The following LMNTD1 variants were observed in gnomAD, a reference collection of about 807,000 sequenced individuals.
The protein encoded by LMNTD1 is lamin tail domain-containing protein 1.
Under a neutral mutation model 50.9 loss-of-function variants are expected in LMNTD1, and 35 were observed. That is an observed-to-expected ratio of 0.69 (90% CI 0.53 to 0.91). LMNTD1 has a LOEUF of 0.91. Ranked by LOEUF, LMNTD1 falls within the 40% of genes least tolerant of loss-of-function variation. The pLI is 0.00. For missense variants in LMNTD1, 470 were observed against 475.5 expected (o/e 0.99, Z 0.11); for synonymous variants, 153 against 161.9 (o/e 0.94, Z 0.42).
intron 8 of LMNTD1, among the ~76,000 whole-genome samples, chr12:25,513,119 C>A (rs559442991): frequency 2.6e-4 from 39 of 152,290 alleles, no homozygotes; most frequent in African/African-American, 8.4e-4. Flanking sequence ...CAAATTTGTG[C>A]TAATTCCCAC....
At chr12:25,519,587 C>CAAAAAAAAAAAAAAAAAAA (rs58304861) in intron 7 of LMNTD1, among the ~76,000 whole-genome samples, 1 of 94,708 alleles carries the variant, frequency 1.1e-5, no homozygotes, top group African/African-American at 5.0e-5. Context: ...GACTCTGTCT[C>CAAAAAAAAAAAAAAAAAAA]AAAAAAAAAA....
rs1217714561 is a variant in LMNTD1, at chr12:25,546,538, T to C, written c.327A>G (p.Ser109=). 3.9e-6 allele frequency: 6 copies of C among 1,558,314 alleles called. No homozygotes were observed. The highest frequency in any genetic ancestry group is 5.2e-6 in the Non-Finnish European group (6 of 1,149,946). Residue 109 remains serine (S), a synonymous_variant, in exon 4 of 10, where the codon TCA becomes TCG. Coordinates refer to ENST00000458174, the MANE Select transcript of LMNTD1 (RefSeq NM_001145728.2). ...GTGATTCATCCTGTTTCTTCGGAAC[T>C]GAGAAGGGGCTGGCATCTTTCAAGT... ...VENSLDASPF[S]VPKKQDESPM...
chr12:25,570,883 T>C (rs1295187689), intron 1 of LMNTD1, among the ~76,000 whole-genome samples: 3 of 152,232 alleles, frequency 2.0e-5, no homozygotes, highest in Admixed American at 2.0e-4. Context: ...GGAAAGGTCC[T>C]CTTTGTTAGT....
intron 1 of LMNTD1, among the ~76,000 whole-genome samples, chr12:25,626,227 G>T (rs930245758): frequency 6.6e-6 from 1 of 152,132 alleles, no homozygotes; most frequent in Non-Finnish European, 1.5e-5. Context: ...GGAGGTTCCT[G>T]AGATGCTGTG....
intron 2 of LMNTD1, among the ~76,000 whole-genome samples, chr12:25,551,892 T>C (rs1943765627): frequency 6.6e-6 from 1 of 152,222 alleles, no homozygotes; most frequent in African/African-American, 2.4e-5. Context: ...TCTTGGTATC[T>C]CACTCCCTCC....
At chr12:25,576,583 T>C (rs1001958376) in intron 1 of LMNTD1, among the ~76,000 whole-genome samples, 5 of 152,270 alleles carry the variant, frequency 3.3e-5, no homozygotes, top group African/African-American at 1.2e-4. Context: ...TTGTAGATTC[T>C]GGATATTAGC....
At chr12:25,496,467 A>C (rs1042361683) in intron 9 of LMNTD1, among the ~76,000 whole-genome samples, 9 of 152,194 alleles carry the variant, frequency 5.9e-5, no homozygotes, top group South Asian at 2.1e-4. Context: ...CAAAGATAAC[A>C]CTTAATGGTG....
At chr12:25,546,230 A>C in intron 4 of LMNTD1, 144 bp downstream of exon 4, 1 of 417,634 alleles carries the variant, frequency 2.4e-6, no homozygotes, top group Non-Finnish European at 4.1e-6. Context: ...AATTGCTCAG[A>C]AGATGAAACA....
At chr12:25,612,663 T>C (rs1946274844) in intron 1 of LMNTD1, among the ~76,000 whole-genome samples, 1 of 152,060 alleles carries the variant, frequency 6.6e-6, no homozygotes, top group African/African-American at 2.4e-5. Context: ...CTGATCTAAA[T>C]GCAGGGAAAC....
chr12:25,520,834 TC>T (rs1373630002), intron 6 of LMNTD1, among the ~76,000 whole-genome samples: 1 of 152,204 alleles, frequency 6.6e-6, no homozygotes, highest in African/African-American at 2.4e-5. Flanking sequence ...GTACTGGGGT[TC>T]CCTTTTCTCC....
Position 25,518,818 on chromosome 12 carries a change from G to C in LMNTD1, c.1166C>G (p.Ser389Ter), listed in dbSNP as rs1276969687. The change falls in exon 8 of 10, where the codon TCA becomes TGA. Residue 389 changes from serine to a stop codon, truncating the protein, a stop_gained. Transcript: ENST00000458174. LOFTEE classifies it high-confidence loss of function. ...GRLDRQPRTR[S>*]TRPNRASGSK... ...ACCTGAGGCTCGATTAGGTCTGGTTGACCGAGTCCTGGGCTGTCTATCCAA... is the reference window on the plus strand; with the variant it reads ...ACCTGAGGCTCGATTAGGTCTGGTTCACCGAGTCCTGGGCTGTCTATCCAA... 1 of 1,614,006 alleles carries C rather than the reference G, an allele frequency of 6.2e-7. No homozygotes were observed. Among genetic ancestry groups the C allele is most frequent in the African/African-American group, 1.3e-5 (1 of 74,922 alleles).
At chr12:25,623,581 A>C (rs6487497) in intron 1 of LMNTD1, among the ~76,000 whole-genome samples, 16,778 of 137,418 alleles carry the variant, frequency 0.12, 1,992 homozygotes, top group African/African-American at 0.29. Context: ...AAAAAAAAAA[A>C]GGAGAGAAAG....
intron 4 of LMNTD1, among the ~76,000 whole-genome samples, chr12:25,528,161 A>G (rs57749168): frequency 0.15 from 23,134 of 152,102 alleles, 1,891 homozygotes; most frequent in African/African-American, 0.21. Flanking sequence ...TTTCTCATTA[A>G]AATACTTCTA....
At chr12:25,586,450 TG>T (rs1252273195) in intron 1 of LMNTD1, among the ~76,000 whole-genome samples, 1 of 152,194 alleles carries the variant, frequency 6.6e-6, no homozygotes, top group Non-Finnish European at 1.5e-5. Context: ...TCACTTCCAA[TG>T]TCTTATTTCT....
At chr12:25,560,319 T>C (rs149892607) in intron 1 of LMNTD1, among the ~76,000 whole-genome samples, 1,889 of 152,316 alleles carry the variant, frequency 0.012, 35 homozygotes, top group African/African-American at 0.042. Context: ...CCATTGCTTG[T>C]TTGTGTCAGG....
intron 1 of LMNTD1, among the ~76,000 whole-genome samples, chr12:25,564,793 G>A (rs1944484810): frequency 3.3e-5 from 5 of 152,148 alleles, no homozygotes; most frequent in Admixed American, 6.5e-5. Context: ...TTGATTTTAT[G>A]TCTGGAAGTT....
At chr12:25,502,355 G>A (rs1939441795) in intron 9 of LMNTD1, among the ~76,000 whole-genome samples, 1 of 152,098 alleles carries the variant, frequency 6.6e-6, no homozygotes, top group Non-Finnish European at 1.5e-5. Context: ...CTAAATGCCT[G>A]GGCAGATTTC....
At chr12:25,506,166 C>T (rs138585065) in intron 8 of LMNTD1, among the ~76,000 whole-genome samples, 270 of 152,342 alleles carry the variant, frequency 1.8e-3, no homozygotes, top group African/African-American at 4.8e-3. Context: ...GTGGAGCTCA[C>T]ATTGATGAGA....
In LMNTD1 at chr12:25,612,348, A is replaced by G. The variant is rs899843361; in HGVS notation, c.58+36146T>C. ...CACACACGCGCTCCCACTGTCAACA[A>G]CACTGAACCACTACTCACAGCCTGG... is the stretch of plus-strand genomic sequence containing the variant. On this transcript the variant is annotated intron_variant, in intron 1 of 7. Transcript: ENST00000445693. 4.6e-5 allele frequency among the ~76,000 whole-genome samples: 7 copies of G among 150,648 alleles called. No homozygotes were observed. The East Asian group carries it at 5.9e-4, about 13-fold the overall frequency.
Sources: gnomAD v4.1 joint callset for allele counts (sites outside exome capture counted in the v4.1 genomes callset) on GRCh38, gnomAD v4.1.1 for gene constraint, MANE v1.5 for transcripts, NCBI Gene and HGNC (gene_info 2026-07-23, HGNC 2026-07-21) for gene names.